Variants in IHO1 observed in about 807,000 individuals in gnomAD.
IHO1 encodes the protein interactor of HORMAD1 1, also known as interactor of HORMAD1 protein 1.
IHO1 carries 13 observed loss-of-function variants against 31.0 expected under a neutral mutation model. The observed-to-expected ratio is 0.42, with a 90% CI of 0.27 to 0.67. IHO1 has a LOEUF of 0.67. IHO1 is among the 30% of genes least tolerant of loss of function. IHO1 has a pLI of 0.24. For missense variants in IHO1, 599 were observed against 687.5 expected (o/e 0.87, Z 1.44); for synonymous variants, 221 against 248.4 (o/e 0.89, Z 1.04).
At chr3:49,210,116 A>G (rs903859750) in intron 1 of IHO1, among the ~76,000 whole-genome samples, 63 of 149,402 alleles carry the variant, frequency 4.2e-4, no homozygotes, top group Non-Finnish European at 9.1e-4. Flanking sequence ...GAAGCCTTGA[A>G]TTCCTGGGCT....
the IHO1 span, among the ~76,000 whole-genome samples, chr3:49,193,189 G>A: frequency 6.6e-6 from 1 of 151,730 alleles, no homozygotes; most frequent in African/African-American, 2.4e-5. Context: ...TAGGCAACAT[G>A]GTGAAACTCT....
chr3:49,246,877 G>C (rs1195023470), intron 6 of IHO1, among the ~76,000 whole-genome samples: 1 of 146,480 alleles, frequency 6.8e-6, no homozygotes, highest in African/African-American at 2.5e-5. Flanking sequence ...TTTTTGAGAC[G>C]AACTCTCACT....
intron 2 of IHO1, among the ~76,000 whole-genome samples, chr3:49,223,055 A>C (rs1276416002): frequency 1.3e-5 from 2 of 152,154 alleles, no homozygotes; most frequent in African/African-American, 2.4e-5. Flanking sequence ...TCCTTCAGGT[A>C]GGTTTTTAAG....
At chr3:49,211,585 G>A (rs1575566934) in intron 1 of IHO1, among the ~76,000 whole-genome samples, 181 bp from the exon 2 acceptor site, 1 of 150,854 alleles carries the variant, frequency 6.6e-6, no homozygotes, top group Admixed American at 6.6e-5. Flanking sequence ...ATCGAGCCAC[G>A]GCACTCCAGA....
intron 3 of IHO1, among the ~76,000 whole-genome samples, chr3:49,237,050 CA>C (rs530099302): frequency 6.4e-5 from 9 of 139,864 alleles, no homozygotes; most frequent in South Asian, 2.3e-4. Flanking sequence ...GAACCTGTCT[CA>C]AAAAAAAAAC....
At chr3:49,212,484 C>G (rs2046234132) in intron 2 of IHO1, among the ~76,000 whole-genome samples, 1 of 149,270 alleles carries the variant, frequency 6.7e-6, no homozygotes, top group African/African-American at 2.5e-5. Context: ...CCACTGCACT[C>G]TAGCCTGGGC....
At chr3:49,243,024 AT>A (rs1218732781) in intron 4 of IHO1, among the ~76,000 whole-genome samples, 2 of 150,748 alleles carry the variant, frequency 1.3e-5, no homozygotes, top group South Asian at 2.1e-4. Flanking sequence ...CCCAATAGCT[AT>A]TTTTTTTTCT....
chr3:49,213,909 G>A, intron 2 of IHO1: 1 of 359,210 alleles, frequency 2.8e-6, no homozygotes. Context: ...CAGGCTGAAG[G>A]GCTCCTCAAG....
intron 2 of IHO1, among the ~76,000 whole-genome samples, chr3:49,229,746 G>A (rs537966393): frequency 6.6e-6 from 1 of 152,300 alleles, no homozygotes; most frequent in Non-Finnish European, 1.5e-5. Flanking sequence ...CATAGTTGGA[G>A]TTGGTAAAGC....
chr3:49,197,796 C>T (rs2046008714), upstream of IHO1, among the ~76,000 whole-genome samples: 1 of 151,952 alleles, frequency 6.6e-6, no homozygotes, highest in Admixed American at 6.6e-5. Context: ...ATCGCTTGAA[C>T]CTCAGAGGTG....
At chr3:49,195,322 T>A (rs1372568556), upstream of IHO1, among the ~76,000 whole-genome samples, 1 of 151,530 alleles carries the variant, frequency 6.6e-6, no homozygotes, top group African/African-American at 2.4e-5. Context: ...CTTGGGAGGC[T>A]GAGGCAGGGG....
intron 2 of IHO1, among the ~76,000 whole-genome samples, chr3:49,235,436 G>T (rs1041137413): frequency 1.3e-5 from 2 of 150,226 alleles, no homozygotes; most frequent in African/African-American, 4.9e-5. Context: ...CACCATGTTA[G>T]CCAGGATGGT....
At chr3:49,236,494 T>C (rs1453290817) in intron 2 of IHO1, 54 bp from the exon 3 acceptor site, 1 of 1,333,676 alleles carries the variant, frequency 7.5e-7, no homozygotes, top group East Asian at 2.3e-5. Context: ...AACTATGATT[T>C]CATTTGTTCA....
At chr3:49,213,885 C>A in intron 2 of IHO1, 1 of 287,368 alleles carries the variant, frequency 3.5e-6, no homozygotes, top group Non-Finnish European at 7.7e-6. Context: ...AGAGGGGCTC[C>A]CATAGTGCAG....
chr3:49,228,546 A>G (rs772600491), intron 2 of IHO1, among the ~76,000 whole-genome samples: 2 of 152,234 alleles, frequency 1.3e-5, no homozygotes, highest in Non-Finnish European at 2.9e-5. Flanking sequence ...AAATGTGTCC[A>G]GAATGTATTC....
At chr3:49,246,047 T>C (rs1327407586) in intron 6 of IHO1, among the ~76,000 whole-genome samples, 1 of 151,440 alleles carries the variant, frequency 6.6e-6, no homozygotes, top group Non-Finnish European at 1.5e-5. Context: ...CTGGGTGTGG[T>C]GGTGGGCGCC....
chr3:49,223,609 C>T (rs533400048), intron 2 of IHO1, among the ~76,000 whole-genome samples: 8 of 151,718 alleles, frequency 5.3e-5, no homozygotes, highest in Admixed American at 3.3e-4. Context: ...GAGAATGGCG[C>T]GAACCCGGGA....
At chr3:49,193,228 T>C in the IHO1 span, among the ~76,000 whole-genome samples, 1 of 151,830 alleles carries the variant, frequency 6.6e-6, no homozygotes, top group South Asian at 2.1e-4. Flanking sequence ...AAAAATTAAC[T>C]GGGTGTGGTG....
At position 49,231,478 on chromosome 3, in the gene IHO1, A is replaced by G. The variant is rs181420552; in HGVS notation, c.57-5070A>G. Among the ~76,000 whole-genome samples, 4 of 152,350 alleles carry G rather than the reference A, an allele frequency of 2.6e-5. No homozygotes were observed. In the East Asian group the frequency reaches 7.7e-4, roughly 29 times the overall value. ...AAGTTTTTCAGATGCCTTATACTTC[A>G]GCTCAAAAAGTGGAGCTTGTAGCTG... On this transcript the variant is annotated intron_variant, in intron 2 of 7. Coordinates refer to ENST00000452691, the MANE Select transcript of IHO1 (RefSeq NM_001135197.2).
Sources: allele counts gnomAD v4.1 joint callset (sites outside exome capture counted in the v4.1 genomes callset), GRCh38; gene constraint gnomAD v4.1.1; transcripts MANE v1.5; gene names NCBI Gene and HGNC (gene_info 2026-07-23, HGNC 2026-07-21).